The following CDK12 variants were observed in gnomAD, a reference collection of about 807,000 sequenced individuals.
The protein encoded by CDK12 is cyclin dependent kinase 12.
A neutral mutation model predicts 133.8 loss-of-function variants in CDK12; 17 were observed. That is an observed-to-expected ratio of 0.13 (90% CI 0.09 to 0.19). The LOEUF (loss-of-function observed/expected upper bound fraction) is 0.19. Ranked by LOEUF, CDK12 falls within the 10% of genes least tolerant of loss-of-function variation. The pLI is 1.00. For synonymous variants in CDK12, 694 were observed against 683.6 expected, an observed-to-expected ratio of 1.02 and a Z score of -0.24; for missense variants, 1,508 against 1,818.7, an observed-to-expected ratio of 0.83 and a Z score of 3.11.
At chr17:39,539,417 TG>T, downstream of CDK12, among the ~76,000 whole-genome samples, 1 of 152,232 alleles carries the variant, frequency 6.6e-6, no homozygotes, top group Non-Finnish European at 1.5e-5. Flanking sequence ...TTTGTAATCT[TG>T]GGGAGATTCA....
intron 3 of CDK12, among the ~76,000 whole-genome samples, chr17:39,556,642 C>T (rs531744168): frequency 4.6e-5 from 7 of 152,216 alleles, no homozygotes; most frequent in African/African-American, 9.6e-5. Flanking sequence ...TCCCCCTCCC[C>T]GCTAGCCCAA....
intron 2 of CDK12, 84 bp downstream of exon 2, chr17:39,471,847 C>T (rs1328912023): frequency 2.5e-6 from 3 of 1,181,536 alleles, no homozygotes; most frequent in East Asian, 4.7e-5. Flanking sequence ...ACACTACCCT[C>T]ATGGTTTTAT....
At chr17:39,501,590 A>G in intron 6 of CDK12, 151 bp downstream of exon 6, 1 of 560,934 alleles carries the variant, frequency 1.8e-6, no homozygotes, top group South Asian at 2.6e-5. Context: ...TGGGAGAAAC[A>G]TACCTGCTCC....
chr17:39,540,758 C>T (rs185198246), intron 1 of CDK12, among the ~76,000 whole-genome samples: 39 of 147,664 alleles, frequency 2.6e-4, no homozygotes, highest in African/African-American at 9.6e-4. Context: ...CGGGGGTCGG[C>T]GGGGGACTCT....
intron 2 of CDK12, among the ~76,000 whole-genome samples, chr17:39,555,291 C>A (rs1489312666): frequency 6.6e-6 from 1 of 152,076 alleles, no homozygotes; most frequent in Non-Finnish European, 1.5e-5. Context: ...AATAAACATC[C>A]CATCTTCAGT....
At chr17:39,526,721 A>G (rs1255751666) in intron 13 of CDK12, among the ~76,000 whole-genome samples, 3 of 152,220 alleles carry the variant, frequency 2.0e-5, no homozygotes, top group Non-Finnish European at 2.9e-5. Context: ...CCTCTAGTGG[A>G]GTGGATGCTG....
rs758987935 is a variant in CDK12, at chr17:39,470,979, A to G, written c.1147A>G (p.Ser383Gly). Residue 383 changes from serine (S) to glycine (G), a missense_variant, in exon 2 of 14, where the codon AGT (serine) becomes GGT (glycine). This residue lies in a region of CDK12 where 460 missense variants were observed against 490.8 expected (regional missense o/e 0.94). Coordinates refer to ENST00000447079, the MANE Select transcript of CDK12 (RefSeq NM_016507.4). ...KRSSSRSRHS[S>G]ISPVRLPLNS... ...ATCCAGTTCACGCAGTCGTCATTCCAGTATCTCACCTGTCAGGCTTCCACT... is the reference window on the plus strand; with the variant it reads ...ATCCAGTTCACGCAGTCGTCATTCCGGTATCTCACCTGTCAGGCTTCCACT... 9 of 1,614,044 alleles carry G rather than the reference A, an allele frequency of 5.6e-6. No individual in the cohort carries two copies. In the South Asian group the frequency reaches 9.9e-5, roughly 18 times the overall value.
chr17:39,563,983 C>T (rs998974926), intron 3 of CDK12, among the ~76,000 whole-genome samples: 1 of 152,180 alleles, frequency 6.6e-6, no homozygotes, highest in Non-Finnish European at 1.5e-5. Context: ...AGGATGGGGG[C>T]CTGGGTGGCC....
intron 6 of CDK12, among the ~76,000 whole-genome samples, chr17:39,507,682 A>T (rs2053223580): frequency 6.6e-6 from 1 of 152,148 alleles, no homozygotes; most frequent in Admixed American, 6.6e-5. Flanking sequence ...GTCTACACTG[A>T]TTTCTGTAAC....
At position 39,510,114 on chromosome 17, in the gene CDK12, C is replaced by CTCT. The variant is rs1555569938; in HGVS notation, c.2666+354_2666+355insCTT. ...ACCGCACCTGGGCAACAATCTCTCT[C>CTCT]TTTTTTTTTTTTTTTTTTTTTTGAA... On this transcript the variant is annotated intron_variant, in intron 7 of 13. Coordinates refer to ENST00000447079, the MANE Select transcript of CDK12 (RefSeq NM_016507.4). 5.5e-3 allele frequency among the ~76,000 whole-genome samples: 695 copies of CTCT among 125,508 alleles called. 17 individuals are homozygous for CTCT. Among genetic ancestry groups the CTCT allele is most frequent in the African/African-American group, 0.021 (662 of 31,010 alleles). 82.3% of individuals were successfully genotyped at this position (125,508 alleles called of 152,430 possible).
In CDK12 at chr17:39,481,671, T is replaced by G. The variant is rs1597983388; in HGVS notation, c.1932-8886T>G. Among the ~76,000 whole-genome samples the G allele has an allele frequency of 2.9e-4, 6 of 20,744 alleles. 1 individual carries two copies. Among genetic ancestry groups the G allele is most frequent in the South Asian group, 8.1e-3 (2 of 248 alleles). The allele number at this position is 20,744 out of a possible 152,430, so 13.6% of individuals were successfully genotyped here. On this transcript the variant is annotated intron_variant, in intron 2 of 13. Coordinates refer to ENST00000447079, the MANE Select transcript of CDK12 (RefSeq NM_016507.4). ...CTCTCTCTCTCTCTCTCTCTCTCTC[T>G]CTCTCTCTCTCTCTCTCTCTCTCTC...
intron 6 of CDK12, among the ~76,000 whole-genome samples, chr17:39,506,549 C>A (rs774533841): frequency 1.3e-5 from 2 of 152,064 alleles, no homozygotes; most frequent in Admixed American, 6.6e-5. Flanking sequence ...CACTTGTGTT[C>A]AGCTCTCTAG....
intron 2 of CDK12, among the ~76,000 whole-genome samples, chr17:39,486,737 G>T (rs540436680): frequency 2.6e-5 from 4 of 152,094 alleles, no homozygotes; most frequent in African/African-American, 9.6e-5. Context: ...GGTGGGGTGC[G>T]GTGGCTCATG....
At chr17:39,489,327 C>G (rs2051391520) in intron 2 of CDK12, among the ~76,000 whole-genome samples, 1 of 151,886 alleles carries the variant, frequency 6.6e-6, no homozygotes, top group African/African-American at 2.4e-5. Flanking sequence ...ACCTTGGCCT[C>G]CCAAAGTGCT....
rs1028253489 is a variant in CDK12 at position 39,513,070 on chromosome 17, T to C, written c.2768+1440T>C. On this transcript the variant is annotated intron_variant, in intron 8 of 13. Coordinates refer to ENST00000447079, the MANE Select transcript of CDK12 (RefSeq NM_016507.4). ...TGTTTTTGGTTCCAAGCTTGTCCTG[T>C]TCATTTCCTGCCCCAAACCTGGAAT... is the stretch of plus-strand genomic sequence containing the variant. Among the ~76,000 whole-genome samples, 8 of 152,352 alleles carry C rather than the reference T, an allele frequency of 5.3e-5. No homozygotes were observed. In the East Asian group the frequency reaches 1.2e-3, roughly 22 times the overall value.
Position 39,462,391 on chromosome 17 carries a change from G to T in CDK12, c.320G>T (p.Arg107Leu), listed in dbSNP as rs2144867318. The T allele has an allele frequency of 6.2e-7, 1 of 1,614,152 alleles. No individual in the cohort carries two copies. The highest frequency in any genetic ancestry group is 8.5e-7 in the Non-Finnish European group (1 of 1,180,044). The stretch of plus-strand genomic sequence containing the variant: ...CGTCGTGGATCAGATCGGAGCGACC[G>T]CCTGCACAAACATCGTCACCACCAG... The part of the protein sequence containing the change: ...DERRGSDRSD[R>L]LHKHRHHQHR... Residue 107 changes from arginine to leucine, a missense_variant, in exon 1 of 14, where the codon CGC (arginine) becomes CTC (leucine). Physicochemically the swap from Arg to Leu is moderately radical, Grantham distance 102. Coordinates refer to ENST00000447079, the MANE Select transcript of CDK12 (RefSeq NM_016507.4).
intron 3 of CDK12, among the ~76,000 whole-genome samples, chr17:39,559,052 T>A (rs1359241509): frequency 1.3e-5 from 2 of 152,202 alleles, no homozygotes; most frequent in East Asian, 3.8e-4. Context: ...CTAATGAGAA[T>A]ATAATATTTA....
At chr17:39,557,763 C>T (rs961594259) in intron 3 of CDK12, among the ~76,000 whole-genome samples, 1 of 152,138 alleles carries the variant, frequency 6.6e-6, no homozygotes, top group Non-Finnish European at 1.5e-5. Context: ...AGTTTCCATA[C>T]AGTGCACTGC....
chr17:39,509,550 T>C (rs1173760748), intron 6 of CDK12, among the ~76,000 whole-genome samples, 155 bp from the exon 7 acceptor site: 2 of 152,154 alleles, frequency 1.3e-5, no homozygotes, highest in Admixed American at 1.3e-4. Flanking sequence ...TGTATAAAAT[T>C]TTTTAAAAAG....
Sources: gnomAD v4.1 joint callset for allele counts (sites outside exome capture counted in the v4.1 genomes callset) on GRCh38, gnomAD v4.1.1 for gene constraint, gnomAD v4.1.1 regional missense constraint, MANE v1.5 for transcripts, NCBI Gene and HGNC (gene_info 2026-07-23, HGNC 2026-07-21) for gene names.